The following ST3GAL6 variants were observed in gnomAD, a reference collection of about 807,000 sequenced individuals.
ST3GAL6 encodes the protein ST3 beta-galactoside alpha-2,3-sialyltransferase 6.
A neutral mutation model predicts 40.5 loss-of-function variants in ST3GAL6; 31 were observed. That is an observed-to-expected ratio of 0.77 (90% CI 0.58 to 1.03). The LOEUF (loss-of-function observed/expected upper bound fraction) is 1.03, where lower values mean the gene tolerates loss of function less well. ST3GAL6 is among the 50% of genes least tolerant of loss of function. The pLI, the probability that ST3GAL6 is intolerant of heterozygous loss-of-function variation, is 0.00. For missense variants in ST3GAL6, 357 were observed against 393.2 expected, an observed-to-expected ratio of 0.91 and a Z score of 0.78; for synonymous variants, 129 against 136.9, an observed-to-expected ratio of 0.94 and a Z score of 0.40.
intron 8 of ST3GAL6, among the ~76,000 whole-genome samples, chr3:98,789,459 T>C (rs1941022241): frequency 6.6e-6 from 1 of 152,254 alleles, no homozygotes; most frequent in Admixed American, 6.5e-5. Flanking sequence ...GTTTGTTCAG[T>C]ATAATTATGA....
At chr3:98,773,647 C>CAT (rs5851138) in intron 4 of ST3GAL6, among the ~76,000 whole-genome samples, 138,567 of 152,030 alleles carry the variant, frequency 0.91, 63,340 homozygotes, top group East Asian at 1. Context: ...ATTTCAGAAT[C>CAT]GTGCTATTTT....
intron 1 of ST3GAL6, among the ~76,000 whole-genome samples, chr3:98,753,172 A>G (rs889868403): frequency 6.6e-6 from 1 of 152,234 alleles, no homozygotes; most frequent in Non-Finnish European, 1.5e-5. Context: ...CAGTGAATAC[A>G]CAAATGGTAA....
intron 1 of ST3GAL6, among the ~76,000 whole-genome samples, chr3:98,743,394 T>G (rs1448369553): frequency 6.6e-6 from 1 of 152,088 alleles, no homozygotes; most frequent in Non-Finnish European, 1.5e-5. Flanking sequence ...GAATTCTGCT[T>G]CTCAGGTGAA....
chr3:98,732,580 C>T (rs1390164460), intron 1 of ST3GAL6: 13 of 366,894 alleles, frequency 3.5e-5, no homozygotes, highest in Non-Finnish European at 4.4e-5. Context: ...CCTCACCCTC[C>T]GGGAGACCCG....
At chr3:98,786,720 T>C (rs1940753683) in intron 6 of ST3GAL6, among the ~76,000 whole-genome samples, 1 of 151,832 alleles carries the variant, frequency 6.6e-6, no homozygotes, top group African/African-American at 2.4e-5. Context: ...TTGAAAAGAT[T>C]GGAGGCACTA....
chr3:98,766,966 A>G lies in ST3GAL6; in HGVS notation c.-11-1464A>G, dbSNP rs1038972292. On this transcript the variant is annotated intron_variant, in intron 1 of 9. Transcript: ENST00000483910. Reference sequence around the variant, plus strand: ...GAATCTTGTCTTCTGATTTCCAACCAGTGTTGACTCTTCACAGGGATTATG... The same window carrying G: ...GAATCTTGTCTTCTGATTTCCAACCGGTGTTGACTCTTCACAGGGATTATG... Among the ~76,000 whole-genome samples, 4 of 152,202 alleles carry G rather than the reference A, an allele frequency of 2.6e-5. No homozygotes were observed. In the East Asian group the frequency reaches 7.7e-4, roughly 29 times the overall value.
chr3:98,734,613 A>G (rs547697729), intron 1 of ST3GAL6, among the ~76,000 whole-genome samples: 1 of 152,296 alleles, frequency 6.6e-6, no homozygotes, highest in East Asian at 1.9e-4. Flanking sequence ...GGTGCAGTAA[A>G]ATGGGACTGC....
intron 1 of ST3GAL6, among the ~76,000 whole-genome samples, chr3:98,740,225 C>CTTTT (rs764868667): frequency 3.3e-5 from 4 of 122,146 alleles, no homozygotes; most frequent in African/African-American, 9.2e-5. Context: ...TTGCAAAACA[C>CTTTT]TTTTTTTTTT....
rs34588217 is a variant in ST3GAL6, at chr3:98,775,474, C to CAA, written c.335+1506_335+1507dup. ...TGGGCGACAGAGCAAGACTTCGTCT[C>CAA]AAAAAAAAAAAAAAAAGATAATTGT... is the stretch of plus-strand genomic sequence containing the variant. On this transcript the variant is annotated intron_variant, in intron 5 of 9. Transcript: ENST00000483910. 5.1e-3 allele frequency among the ~76,000 whole-genome samples: 637 copies of CAA among 124,922 alleles called. 8 individuals are homozygous for CAA. The highest frequency in any genetic ancestry group is 8.3e-3 in the Middle Eastern group (2 of 242). The allele number at this position is 124,922 out of a possible 152,430, so 82.0% of individuals were successfully genotyped here. A position where few individuals can be genotyped will look rare whatever the true frequency, so the allele number is the denominator to read the frequency against.
intron 8 of ST3GAL6, among the ~76,000 whole-genome samples, chr3:98,790,933 G>T (rs1414874557): frequency 6.6e-6 from 1 of 152,162 alleles, no homozygotes; most frequent in Non-Finnish European, 1.5e-5. Context: ...GCTGAAGGCA[G>T]TTAATGCTTT....
In ST3GAL6 at chr3:98,793,844, C is replaced by A; in HGVS notation, c.*83C>A. 1 of 787,406 alleles carries A rather than the reference C, an allele frequency of 1.3e-6. No homozygotes were observed. Among genetic ancestry groups the A allele is most frequent in the Non-Finnish European group, 2.0e-6 (1 of 502,262 alleles). The allele number at this position is 787,406 out of a possible 1,614,324, so 48.8% of individuals were successfully genotyped here. A position where few individuals can be genotyped will look rare whatever the true frequency, so the allele number is the denominator to read the frequency against. On this transcript the variant is annotated 3_prime_UTR_variant, in exon 10 of 10. Coordinates refer to ENST00000483910, the MANE Select transcript of ST3GAL6 (RefSeq NM_001323368.2). ...TTTAGTTTAAAATATGTTGGATGCA[C>A]TCGTCAAATAATTATGTATACTGTC... is the stretch of plus-strand genomic sequence containing the variant.
intron 5 of ST3GAL6, chr3:98,784,546 G>A (rs540886690): frequency 8.7e-5 from 16 of 183,652 alleles, no homozygotes; most frequent in Non-Finnish European, 1.5e-4. Flanking sequence ...GTCCTATATG[G>A]AGGTGTGTTT....
At chr3:98,738,097 C>G (rs10470452) in intron 1 of ST3GAL6, among the ~76,000 whole-genome samples, 1,683 of 129,618 alleles carry the variant, frequency 0.013, 34 homozygotes, top group African/African-American at 0.045. Flanking sequence ...GCCCTCCCCC[C>G]ACCCCCGCCT....
intron 1 of ST3GAL6, among the ~76,000 whole-genome samples, chr3:98,736,310 G>T (rs1180059253): frequency 6.6e-6 from 1 of 152,206 alleles, no homozygotes; most frequent in Non-Finnish European, 1.5e-5. Flanking sequence ...AAAGTATACA[G>T]ATAGCATCAT....
chr3:98,791,733 T>C, intron 8 of ST3GAL6, 108 bp from the exon 9 acceptor site: 1 of 1,011,962 alleles, frequency 9.9e-7, no homozygotes. Flanking sequence ...TTTCTCTCCT[T>C]ATTAAATGTT....
chr3:98,738,206 G>A (rs1027030496), intron 1 of ST3GAL6, among the ~76,000 whole-genome samples: 12 of 150,830 alleles, frequency 8.0e-5, no homozygotes, highest in Admixed American at 2.7e-4. Context: ...CATGCTTTCC[G>A]TACAGCCTGA....
chr3:98,767,813 T>C (rs1398162296), intron 1 of ST3GAL6, among the ~76,000 whole-genome samples: 1 of 152,178 alleles, frequency 6.6e-6, no homozygotes, highest in Non-Finnish European at 1.5e-5. Context: ...GTCAATTTAA[T>C]ACAAAACAAG....
intron 1 of ST3GAL6, among the ~76,000 whole-genome samples, chr3:98,737,896 T>A (rs1452506759): frequency 6.6e-6 from 1 of 152,150 alleles, no homozygotes; most frequent in Non-Finnish European, 1.5e-5. Flanking sequence ...ACAAAGATAG[T>A]GATATGGTTT....
intron 1 of ST3GAL6, among the ~76,000 whole-genome samples, chr3:98,766,011 G>A (rs1938284100): frequency 6.6e-6 from 1 of 152,152 alleles, no homozygotes. Context: ...CTTGAATACT[G>A]AAGCTGTGAA....
Sources: allele counts gnomAD v4.1 joint callset (sites outside exome capture counted in the v4.1 genomes callset), GRCh38; gene constraint gnomAD v4.1.1; transcripts MANE v1.5; gene names NCBI Gene and HGNC (gene_info 2026-07-23, HGNC 2026-07-21).